Variants in ZNF248 observed in about 807,000 individuals in gnomAD.
ZNF248 encodes the protein zinc finger protein 248, also known as KRAB protein domain.
In ZNF248, 20 loss-of-function variants were observed where a neutral mutation model predicts 44.3. The ratio of observed to expected loss-of-function variants is 0.45; its 90% confidence interval spans 0.32 to 0.66. The LOEUF (loss-of-function observed/expected upper bound fraction) is 0.66, where lower values mean the gene tolerates loss of function less well. Ranked by LOEUF, ZNF248 falls within the 30% of genes least tolerant of loss-of-function variation. ZNF248 has a pLI of 0.04. For missense variants in ZNF248, 654 were observed against 677.0 expected (o/e 0.97, Z 0.38); for synonymous variants, 224 against 229.0 (o/e 0.98, Z 0.20).
intron 6 of ZNF248, among the ~76,000 whole-genome samples, chr10:37,777,590 T>C (rs1176023048): frequency 6.6e-6 from 1 of 150,820 alleles, no homozygotes; most frequent in Admixed American, 6.6e-5. Flanking sequence ...ATTGTGCAGG[T>C]TAGTTACATA....
intron 6 of ZNF248, among the ~76,000 whole-genome samples, chr10:37,777,438 T>C (rs560668673): frequency 1.3e-5 from 2 of 152,180 alleles, no homozygotes; most frequent in Admixed American, 1.3e-4. Flanking sequence ...CTTTTTGGAA[T>C]ACAATTTGGC....
chr10:37,791,165 C>A (rs2048507900), intron 6 of ZNF248, among the ~76,000 whole-genome samples: 1 of 148,252 alleles, frequency 6.7e-6, no homozygotes, highest in African/African-American at 2.5e-5. Flanking sequence ...CCTCAGCCTC[C>A]CAAGTAGCTG....
intron 6 of ZNF248, chr10:37,821,007 A>G (rs2133623347): frequency 7.1e-7 from 1 of 1,400,132 alleles, no homozygotes. Context: ...GCGTCTCCCG[A>G]GACTAAAGGT....
At chr10:37,790,520 G>A (rs1365402493) in intron 6 of ZNF248, among the ~76,000 whole-genome samples, 6 of 151,782 alleles carry the variant, frequency 4.0e-5, no homozygotes, top group African/African-American at 4.8e-5. Flanking sequence ...GACCATCCTG[G>A]CCAACATGGT....
intron 6 of ZNF248, among the ~76,000 whole-genome samples, chr10:37,811,906 C>A (rs2051573129): frequency 6.6e-6 from 1 of 151,162 alleles, no homozygotes; most frequent in African/African-American, 2.4e-5. Context: ...TTCTGCTAAC[C>A]AAGACGCAGC....
chr10:37,814,420 A>G (rs1366847382), intron 6 of ZNF248, among the ~76,000 whole-genome samples: 1 of 152,212 alleles, frequency 6.6e-6, no homozygotes, highest in East Asian at 1.9e-4. Flanking sequence ...ATTACTAACC[A>G]AAGTTACAGT....
intron 6 of ZNF248, among the ~76,000 whole-genome samples, chr10:37,815,686 C>A (rs747578418): frequency 4.0e-5 from 6 of 151,780 alleles, no homozygotes; most frequent in African/African-American, 7.3e-5. Context: ...TTTCTTTGTT[C>A]ATCTTTTGAT....
the ZNF248 span, among the ~76,000 whole-genome samples, chr10:37,764,707 G>A: frequency 6.6e-6 from 1 of 152,022 alleles, no homozygotes; most frequent in Admixed American, 6.6e-5. Flanking sequence ...TTGAATTACT[G>A]GGGACAGGTT....
the ZNF248 span, among the ~76,000 whole-genome samples, chr10:37,761,590 A>C: frequency 0.06 from 9,113 of 152,302 alleles, 352 homozygotes; most frequent in Middle Eastern, 0.095. Context: ...AAGTGCAATG[A>C]AGCAGAGCTT....
Position 37,830,161 on chromosome 10 carries a change from G to A in ZNF248, c.*1454C>T, listed in dbSNP as rs1409981165. On this transcript the variant is annotated 3_prime_UTR_variant, in exon 6 of 6. Transcript: ENST00000395867. ...TCAAAAGGGCCTTTCATTACATACCGCCACTTTTTGAGGAGTGCAGTGTTA... is the reference window on the plus strand; with the variant it reads ...TCAAAAGGGCCTTTCATTACATACCACCACTTTTTGAGGAGTGCAGTGTTA... 8 of 985,196 alleles carry A rather than the reference G, an allele frequency of 8.1e-6. No homozygotes were observed. Among genetic ancestry groups the A allele is most frequent in the East Asian group, 1.1e-4 (1 of 8,826 alleles). 61.0% of individuals were successfully genotyped at this position (985,196 alleles called of 1,614,324 possible). A position where few individuals can be genotyped will look rare whatever the true frequency, so the allele number is the denominator to read the frequency against.
intron 5 of ZNF248, among the ~76,000 whole-genome samples, chr10:37,836,383 A>G (rs1329360959): frequency 6.6e-6 from 1 of 152,184 alleles, no homozygotes; most frequent in Non-Finnish European, 1.5e-5. Context: ...TGTATCTACC[A>G]TAGCTCATGT....
chr10:37,763,595 G>T, the ZNF248 span, among the ~76,000 whole-genome samples: 1 of 152,170 alleles, frequency 6.6e-6, no homozygotes, highest in Non-Finnish European at 1.5e-5. Flanking sequence ...TGATTTACAA[G>T]AATTAAGTCA....
Position 37,830,511 on chromosome 10 carries a change from G to A in ZNF248, c.*1104C>T. ...CGGAAATATTTTTGGCTTCTTTCTTGAAGACGTGGTTCAGCTGTAAATGGC... is the reference window on the plus strand; with the variant it reads ...CGGAAATATTTTTGGCTTCTTTCTTAAAGACGTGGTTCAGCTGTAAATGGC... On this transcript the variant is annotated 3_prime_UTR_variant, in exon 6 of 6. Transcript: ENST00000395867. 1 of 985,414 alleles carries A rather than the reference G, an allele frequency of 1.0e-6. No individual in the cohort carries two copies. The highest frequency in any genetic ancestry group is 1.2e-6 in the Non-Finnish European group (1 of 829,922). The allele number at this position is 985,414 out of a possible 1,614,324, so 61.0% of individuals were successfully genotyped here.
intron 3 of ZNF248, among the ~76,000 whole-genome samples, chr10:37,850,978 T>G (rs1254989607): frequency 6.6e-6 from 1 of 152,144 alleles, no homozygotes; most frequent in Non-Finnish European, 1.5e-5. Flanking sequence ...GAAAAACTTT[T>G]GCTCTGTGAA....
chr10:37,831,105 A>C lies in ZNF248; in HGVS notation c.*510T>G, dbSNP rs949505663. 7.2e-7 allele frequency: 1 copy of C among 1,396,676 alleles called. No homozygotes were observed. The highest frequency in any genetic ancestry group is 1.5e-5 in the African/African-American group (1 of 68,732). The allele number at this position is 1,396,676 out of a possible 1,614,324, so 86.5% of individuals were successfully genotyped here. The stretch of plus-strand genomic sequence containing the variant: ...ACCTATAAAGACACCAATGGTATTT[A>C]GTGTAGAAAATATTAACAAATACCA... On this transcript the variant is annotated 3_prime_UTR_variant, in exon 6 of 6. Transcript: ENST00000395867.
chr10:37,828,472 G>T (rs2054764090), downstream of ZNF248, among the ~76,000 whole-genome samples: 1 of 152,074 alleles, frequency 6.6e-6, no homozygotes. Context: ...CAAACTCTCT[G>T]GTCTACAGTG....
the ZNF248 span, among the ~76,000 whole-genome samples, chr10:37,762,968 A>G: frequency 1.3e-5 from 2 of 152,234 alleles, no homozygotes; most frequent in Non-Finnish European, 2.9e-5. Flanking sequence ...GTGTCTAACA[A>G]AAACACTGTT....
chr10:37,853,968 A>C (rs1454489460), intron 3 of ZNF248, among the ~76,000 whole-genome samples: 1 of 152,214 alleles, frequency 6.6e-6, no homozygotes, highest in Non-Finnish European at 1.5e-5. Context: ...CTAAAGTCGT[A>C]ATACTAAAGA....
At chr10:37,851,098 A>T (rs1474512272) in intron 3 of ZNF248, among the ~76,000 whole-genome samples, 2 of 152,072 alleles carry the variant, frequency 1.3e-5, no homozygotes, top group Non-Finnish European at 2.9e-5. Context: ...TCAATACATT[A>T]AAAAAAATCC....
Sources: allele counts gnomAD v4.1 joint callset (sites outside exome capture counted in the v4.1 genomes callset), GRCh38; gene constraint gnomAD v4.1.1; transcripts MANE v1.5; gene names NCBI Gene and HGNC (gene_info 2026-07-23, HGNC 2026-07-21).